ITGB4: variants seen among roughly 807,000 people sequenced by gnomAD.
ITGB4 encodes integrin subunit beta 4.
ITGB4 carries 159 observed loss-of-function variants against 207.6 expected under a neutral mutation model. That is an observed-to-expected ratio of 0.77 (90% confidence interval 0.67 to 0.87). The LOEUF is 0.87. Among genes scored for constraint, ITGB4 ranks in the 40% least tolerant of loss-of-function variants. The pLI is 0.00. For synonymous variants in ITGB4, 1,020 were observed against 1,062.7 expected, an observed-to-expected ratio of 0.96 and a Z score of 0.78; for missense variants, 2,278 against 2,546.8, an observed-to-expected ratio of 0.89 and a Z score of 2.27.
Position 75,722,757 on chromosome 17 carries a change from C to CTGTG in ITGB4, c.-11+1177_-11+1180dup, listed in dbSNP as rs55981241. Among the ~76,000 whole-genome samples, 71,991 of 134,754 alleles carry CTGTG rather than the reference C, an allele frequency of 0.53. 19,227 individuals are homozygous for CTGTG. Among genetic ancestry groups the CTGTG allele is most frequent in the East Asian group, 0.71 (3,130 of 4,410 alleles). The allele number at this position is 134,754 out of a possible 152,430, so 88.4% of individuals were successfully genotyped here. A position where few individuals can be genotyped will look rare whatever the true frequency, so the allele number is the denominator to read the frequency against. On this transcript the variant is annotated intron_variant, in intron 1 of 39. Coordinates refer to ENST00000200181, the MANE Select transcript of ITGB4 (RefSeq NM_000213.5). This position sits in a 1 kb window ranked among gnomAD's most constrained non-coding sequence, Gnocchi z 6.2. ...GAGCCTGTGGGTGGGTGGGCATGGC[C>CTGTG]TGTGTGTGTGTGTGTGTGTGTGTGT...
At position 75,743,830 on chromosome 17, in the gene ITGB4, G is replaced by A. The variant is rs765601108; in HGVS notation, c.3080G>A (p.Arg1027His). 12 of 1,606,394 alleles carry A rather than the reference G, an allele frequency of 7.5e-6. No homozygotes were observed. The highest frequency in any genetic ancestry group is 5.1e-5 in the Admixed American group (3 of 58,702). Residue 1027 changes from arginine (R) to histidine (H), a missense_variant, in exon 26 of 40, where the codon CGC (arginine) becomes CAC (histidine). Transcript: ENST00000200181. ...GGCGGGAAGTCCCAGGTCTCCTACC[G>A]CACACAGGATGGCACCGCGCAGGGC... Reference protein sequence around the residue: ...LDGGKSQVSYRTQDGTAQGNR... With the variant: ...LDGGKSQVSYHTQDGTAQGNR...
chr17:75,755,143 C>T (rs765398141), intron 34 of ITGB4: 2 of 1,611,646 alleles, frequency 1.2e-6, no homozygotes, highest in South Asian at 2.2e-5. Context: ...TGAAAGGGTT[C>T]CCCCCTTCCA....
chr17:75,733,414 A>G, intron 12 of ITGB4, 76 bp from the exon 13 acceptor site: 1 of 1,169,188 alleles, frequency 8.6e-7, no homozygotes, highest in Non-Finnish European at 1.2e-6. Flanking sequence ...ATTAAATTAA[A>G]TTAAATTAAA....
chr17:75,726,202 C>T (rs1328515523), intron 2 of ITGB4, among the ~76,000 whole-genome samples: 2 of 152,238 alleles, frequency 1.3e-5, no homozygotes, highest in African/African-American at 4.8e-5. Context: ...CCTATAATTC[C>T]CAGCACTTTG....
Position 75,750,614 on chromosome 17 carries a change from AGGAG to A in ITGB4, c.3475-62_3475-59del. 1 of 1,425,270 alleles carries A rather than the reference AGGAG, an allele frequency of 7.0e-7. No homozygotes were observed. Among genetic ancestry groups the A allele is most frequent in the African/African-American group, 1.4e-5 (1 of 71,072 alleles). The allele number at this position is 1,425,270 out of a possible 1,614,324, so 88.3% of individuals were successfully genotyped here. A position where few individuals can be genotyped will look rare whatever the true frequency, so the allele number is the denominator to read the frequency against. On this transcript the variant is annotated intron_variant, in intron 28 of 39. Coordinates refer to ENST00000200181, the MANE Select transcript of ITGB4 (RefSeq NM_000213.5). The surrounding 1 kb of genome is among the most constrained non-coding windows in gnomAD (Gnocchi z 5.5). ...AGAGGACAGTAAGGGCAGAGGTCAG[AGGAG>A]GGACAGGCAGCTTGGGTGCCTGCTG... is the stretch of plus-strand genomic sequence containing the variant.
rs374325497 is a variant in ITGB4 at position 75,742,522 on chromosome 17, G to T, written c.2782+33G>T. 9 of 1,613,178 alleles carry T rather than the reference G, an allele frequency of 5.6e-6. No individual in the cohort carries two copies. The highest frequency in any genetic ancestry group is 7.6e-6 in the Non-Finnish European group (9 of 1,179,808). Reference sequence around the variant, plus strand: ...GGCGGGTCCGCTGTGCCACTGCCTCGCACCTCCCGCCTGTGTGGCCCTGTG... The same window carrying T: ...GGCGGGTCCGCTGTGCCACTGCCTCTCACCTCCCGCCTGTGTGGCCCTGTG... On this transcript the variant is annotated intron_variant, in intron 24 of 39. Coordinates refer to ENST00000200181, the MANE Select transcript of ITGB4 (RefSeq NM_000213.5). The surrounding 1 kb of genome is among the most constrained non-coding windows in gnomAD (Gnocchi z 5.9).
chr17:75,726,861 C>G (rs975205605), intron 2 of ITGB4, among the ~76,000 whole-genome samples: 1 of 152,202 alleles, frequency 6.6e-6, no homozygotes, highest in Non-Finnish European at 1.5e-5. Flanking sequence ...ATCACAAGGT[C>G]AGGAGATCGA....
At chr17:75,753,014 G>A (rs544980505) in intron 32 of ITGB4, among the ~76,000 whole-genome samples, 3 of 152,334 alleles carry the variant, frequency 2.0e-5, no homozygotes, top group South Asian at 4.1e-4. Context: ...AAAGTGCTGC[G>A]GAGCCCTTAG....
Position 75,756,872 on chromosome 17 carries a change from C to T in ITGB4, c.5053+13C>T. 6.2e-7 allele frequency: 1 copy of T among 1,612,332 alleles called. No individual in the cohort carries two copies. Among genetic ancestry groups the T allele is most frequent in the Non-Finnish European group, 8.5e-7 (1 of 1,179,938 alleles). On this transcript the variant is annotated intron_variant, in intron 37 of 39. Coordinates refer to ENST00000200181, the MANE Select transcript of ITGB4 (RefSeq NM_000213.5). Reference sequence around the variant, plus strand: ...GCCCAAGGAGGAGGTGCTGCCCACCCCGGGGGCAGGAGTGGCCAGGGGAGG... The same window carrying T: ...GCCCAAGGAGGAGGTGCTGCCCACCTCGGGGGCAGGAGTGGCCAGGGGAGG...
intron 32 of ITGB4, 49 bp downstream of exon 32, chr17:75,752,626 C>A (rs145269512): frequency 6.2e-7 from 1 of 1,609,288 alleles, no homozygotes; most frequent in African/African-American, 1.3e-5. Context: ...GTCTTGGGTA[C>A]AGAGTGAGTC....
chr17:75,728,997 A>C (rs1402661960), intron 6 of ITGB4, among the ~76,000 whole-genome samples: 1 of 151,308 alleles, frequency 6.6e-6, no homozygotes, highest in Non-Finnish European at 1.5e-5. Flanking sequence ...AAAAAAAAAA[A>C]AAAAAAAAAA....
rs551446919 is a variant in ITGB4, at chr17:75,729,831, C to T, written c.738+395C>T. 1.3e-5 allele frequency among the ~76,000 whole-genome samples: 2 copies of T among 152,128 alleles called. No individual in the cohort carries two copies. The highest frequency in any genetic ancestry group is 2.9e-5 in the Non-Finnish European group (2 of 68,024). ...TTTGTTCATTCTGAAAATGACATAC[C>T]CATATTACTAGGTTAGAAAACAAAG... On this transcript the variant is annotated intron_variant, in intron 7 of 39. Coordinates refer to ENST00000200181, the MANE Select transcript of ITGB4 (RefSeq NM_000213.5). The surrounding 1 kb of genome is among the most constrained non-coding windows in gnomAD (Gnocchi z 4.4).
rs145039852 is a variant in ITGB4, at chr17:75,732,176, G to A, written c.1391G>A (p.Arg464Gln). ...CTCTCATTCCAGCAAAAAGAGGTGCGGTCAGCTCGCTGCAGCTTCAACGGA... is the reference window on the plus strand; with the variant it reads ...CTCTCATTCCAGCAAAAAGAGGTGCAGTCAGCTCGCTGCAGCTTCAACGGA... ...VCTCELQKEV[R>Q]SARCSFNGDF... The change falls in exon 12 of 40, where the codon CGG (arginine) becomes CAG (glutamine). Residue 464 changes from arginine to glutamine, a missense_variant. Arg to Gln is a conservative substitution (Grantham distance 43). Coordinates refer to ENST00000200181, the MANE Select transcript of ITGB4 (RefSeq NM_000213.5). This position sits in a 1 kb window ranked among gnomAD's most constrained non-coding sequence, Gnocchi z 5.3. 36 of 1,614,004 alleles carry A rather than the reference G, an allele frequency of 2.2e-5. 1 individual carries two copies. Among genetic ancestry groups the A allele is most frequent in the Non-Finnish European group, 2.5e-5 (30 of 1,180,056 alleles).
At chr17:75,757,172 C>G (rs372539717) in intron 38 of ITGB4, 28 bp from the exon 39 acceptor site, 1 of 1,612,558 alleles carries the variant, frequency 6.2e-7, no homozygotes, top group African/African-American at 1.3e-5. Context: ...TGGCACCACC[C>G]TCTGACTGGC....
chr17:75,748,864 G>A lies in ITGB4; in HGVS notation c.3135G>A (p.Glu1045=), dbSNP rs2061296646. 1.2e-6 allele frequency: 2 copies of A among 1,611,984 alleles called. No homozygotes were observed. The highest frequency in any genetic ancestry group is 2.2e-5 in the East Asian group (1 of 44,862). ...AGGACTACATCCCCGTGGAGGGTGAGCTGCTGTTCCAGCCTGGGGAGGCCT... is the reference window on the plus strand; with the variant it reads ...AGGACTACATCCCCGTGGAGGGTGAACTGCTGTTCCAGCCTGGGGAGGCCT... ...GNRDYIPVEG[E]LLFQPGEAWK... The change falls in exon 27 of 40, where the codon GAG becomes GAA. Residue 1045 remains glutamate (E), a synonymous_variant. Transcript: ENST00000200181.
At position 75,730,503 on chromosome 17, in the gene ITGB4, A is replaced by G. The variant is rs1290097686; in HGVS notation, c.1001A>G (p.Glu334Gly). 1.2e-6 allele frequency: 2 copies of G among 1,613,396 alleles called. No homozygotes were observed. Among genetic ancestry groups the G allele is most frequent in the Non-Finnish European group, 1.7e-6 (2 of 1,180,002 alleles). Residue 334 changes from glutamate (E) to glycine (G), a missense_variant and splice_region_variant, in exon 8 of 40, where the codon GAG becomes GGG. Physicochemically the swap from Glu to Gly is moderately conservative, Grantham distance 98. Transcript: ENST00000200181. ...ACCAACTACTCCTATAGCTACTACG[A>G]GGTGCGGGGCCCAGGTCCCACGGGT... The part of the protein sequence containing the change: ...AVTNYSYSYY[E>G]KLHTYFPVSS...
rs531975358 is a variant in ITGB4, at chr17:75,741,011, T to C, written c.2633+6T>C. ...CAGCCCAATGCCGGGAAAAAGTGAG[T>C]AGAAGACTCGTGGGTGAGAGGGCCC... On this transcript the variant is annotated splice_donor_region_variant and intron_variant, in intron 23 of 39. Coordinates refer to ENST00000200181, the MANE Select transcript of ITGB4 (RefSeq NM_000213.5). The C allele has an allele frequency of 1.2e-6, 2 of 1,613,020 alleles. No homozygotes were observed. Among genetic ancestry groups the C allele is most frequent in the Non-Finnish European group, 1.7e-6 (2 of 1,179,938 alleles).
chr17:75,725,553 A>C (rs1292016166), intron 2 of ITGB4, among the ~76,000 whole-genome samples: 1 of 152,112 alleles, frequency 6.6e-6, no homozygotes, highest in East Asian at 1.9e-4. Context: ...AGCTTAAGCA[A>C]TCTTCCTACC....
chr17:75,741,021 G>A lies in ITGB4; in HGVS notation c.2633+16G>A, dbSNP rs373065909. 4.3e-6 allele frequency: 7 copies of A among 1,611,560 alleles called. No homozygotes were observed. Among genetic ancestry groups the A allele is most frequent in the Admixed American group, 3.3e-5 (2 of 59,980 alleles). On this transcript the variant is annotated intron_variant, in intron 23 of 39. Transcript: ENST00000200181. ...CCGGGAAAAAGTGAGTAGAAGACTC[G>A]TGGGTGAGAGGGCCCCCACTTCCTG...
Sources: allele counts gnomAD v4.1 joint callset (sites outside exome capture counted in the v4.1 genomes callset), GRCh38; gene constraint gnomAD v4.1.1; non-coding constraint Gnocchi (gnomAD v3.1); transcripts MANE v1.5; gene names NCBI Gene and HGNC (gene_info 2026-07-23, HGNC 2026-07-21).